The following DLC1 variants were observed in gnomAD, a reference collection of about 807,000 sequenced individuals.
DLC1 encodes DLC1 Rho GTPase activating protein, also known as rho GTPase-activating protein 7.
DLC1 carries 54 observed loss-of-function variants against 140.3 expected under a neutral mutation model. The ratio of observed to expected loss-of-function variants is 0.38; its 90% confidence interval spans 0.31 to 0.48. The LOEUF is 0.48. DLC1 is among the 20% of genes least tolerant of loss of function. The pLI is 0.96. For missense variants in DLC1, 2,536 were observed against 1,907.0 expected, an observed-to-expected ratio of 1.33 and a Z score of -6.14; for synonymous variants, 986 against 728.1, an observed-to-expected ratio of 1.35 and a Z score of -5.70.
intron 5 of DLC1, among the ~76,000 whole-genome samples, chr8:13,247,884 C>G (rs1317265082): frequency 6.6e-6 from 1 of 152,148 alleles, no homozygotes; most frequent in African/African-American, 2.4e-5. Flanking sequence ...CATAACCGCT[C>G]AAAGTTAAAA....
At chr8:13,519,344 G>A (rs1368058427), upstream of DLC1, among the ~76,000 whole-genome samples, 2 of 152,070 alleles carry the variant, frequency 1.3e-5, no homozygotes, top group East Asian at 1.9e-4. Flanking sequence ...TAGCCAGGAT[G>A]GTCTCGAGCT....
chr8:13,500,635 G>T (rs1801771260), intron 1 of DLC1, among the ~76,000 whole-genome samples: 1 of 152,204 alleles, frequency 6.6e-6, no homozygotes, highest in South Asian at 2.1e-4. Context: ...AAGCCACCAG[G>T]GAACTGTTCA....
chr8:13,375,319 G>A (rs1323693037), intron 4 of DLC1, among the ~76,000 whole-genome samples: 4 of 152,034 alleles, frequency 2.6e-5, no homozygotes, highest in South Asian at 2.1e-4. Context: ...GAGCCACCGC[G>A]CCCGGCCAAG....
intron 1 of DLC1, among the ~76,000 whole-genome samples, chr8:13,527,316 C>T (rs374480551): frequency 6.6e-6 from 1 of 152,056 alleles, no homozygotes; most frequent in Admixed American, 6.6e-5. Context: ...TTGAAAAATG[C>T]TTTTCTCAAT....
chr8:13,276,450 G>A, intron 5 of DLC1: 5 of 1,401,568 alleles, frequency 3.6e-6, no homozygotes, highest in Non-Finnish European at 4.6e-6. Context: ...CCATGCCTCG[G>A]TACTCCGCCC....
chr8:13,344,681 G>T (rs1456029242), intron 4 of DLC1, among the ~76,000 whole-genome samples: 2 of 152,154 alleles, frequency 1.3e-5, no homozygotes, highest in African/African-American at 2.4e-5. Flanking sequence ...TAGCCACGAG[G>T]TCTCTATCAC....
intron 5 of DLC1, chr8:13,133,308 C>G (rs189949976): frequency 7.1e-5 from 87 of 1,231,164 alleles, no homozygotes; most frequent in Admixed American, 1.3e-4. Flanking sequence ...CGCGCTCCGC[C>G]AGCCGGGCCC....
At chr8:13,533,143 T>C (rs1268515008) in intron 1 of DLC1, among the ~76,000 whole-genome samples, 1 of 152,062 alleles carries the variant, frequency 6.6e-6, no homozygotes, top group East Asian at 1.9e-4. Context: ...CACCATGAAG[T>C]AAAACAAACA....
intron 5 of DLC1, among the ~76,000 whole-genome samples, chr8:13,301,875 G>T (rs1832209093): frequency 6.6e-6 from 1 of 152,146 alleles, no homozygotes; most frequent in Non-Finnish European, 1.5e-5. Flanking sequence ...ATGATCTGAG[G>T]TCTGAGGTGG....
intron 5 of DLC1, among the ~76,000 whole-genome samples, chr8:13,139,143 A>G (rs1021874840): frequency 3.3e-5 from 5 of 151,750 alleles, no homozygotes; most frequent in Non-Finnish European, 5.9e-5. Flanking sequence ...TAAAAAAACA[A>G]TTAGCTGGGC....
At chr8:13,222,191 C>G (rs1485702327) in intron 5 of DLC1, among the ~76,000 whole-genome samples, 1 of 151,680 alleles carries the variant, frequency 6.6e-6, no homozygotes, top group Non-Finnish European at 1.5e-5. Context: ...TAGGGCCACT[C>G]CAAAAGCATT....
chr8:13,396,943 C>T (rs553466252), intron 3 of DLC1, among the ~76,000 whole-genome samples: 4 of 152,046 alleles, frequency 2.6e-5, no homozygotes, highest in Non-Finnish European at 5.9e-5. Flanking sequence ...GTTACCCGCC[C>T]CCCCCAACCC....
At chr8:13,536,762 T>C (rs1054705852) in intron 1 of DLC1, among the ~76,000 whole-genome samples, 1 of 152,158 alleles carries the variant, frequency 6.6e-6, no homozygotes, top group Admixed American at 6.5e-5. Flanking sequence ...TGAAGAGATA[T>C]TGCGTATCCA....
intron 4 of DLC1, among the ~76,000 whole-genome samples, chr8:13,308,382 TTTTTAAG>T (rs1832542328): frequency 6.6e-6 from 1 of 152,330 alleles, no homozygotes; most frequent in South Asian, 2.1e-4. Flanking sequence ...TTATAACTTC[TTTTTAAG>T]AGTAAAACCA....
intron 1 of DLC1, 109 bp downstream of exon 1, chr8:13,514,493 C>A (rs769425908): frequency 1.3e-5 from 5 of 397,618 alleles, no homozygotes; most frequent in South Asian, 1.3e-4. Context: ...TGGCTTTGCT[C>A]TAAAACCTAG....
chr8:13,514,788 G>A lies in DLC1; in HGVS notation c.-312C>T. The stretch of plus-strand genomic sequence containing the variant: ...AAAACACCCTCTGCAGCTGGAGGGA[G>A]CCTTAGCTAAGGCAGGATCCTGTCA... On this transcript the variant is annotated 5_prime_UTR_variant, in exon 1 of 18. Coordinates refer to ENST00000276297, the MANE Select transcript of DLC1 (RefSeq NM_182643.3). 1 of 396,540 alleles carries A rather than the reference G, an allele frequency of 2.5e-6. No individual in the cohort carries two copies. Among genetic ancestry groups the A allele is most frequent in the Non-Finnish European group, 4.4e-6 (1 of 225,026 alleles). The allele number at this position is 396,540 out of a possible 1,614,324, so 24.6% of individuals were successfully genotyped here.
chr8:13,252,927 AC>A (rs1355830595), intron 5 of DLC1, among the ~76,000 whole-genome samples: 6 of 152,216 alleles, frequency 3.9e-5, no homozygotes, highest in African/African-American at 1.4e-4. Flanking sequence ...AAGAACCCAA[AC>A]AAGAAAGCTA....
At chr8:13,438,670 G>C (rs899330161) in intron 2 of DLC1, among the ~76,000 whole-genome samples, 1 of 152,068 alleles carries the variant, frequency 6.6e-6, no homozygotes, top group Non-Finnish European at 1.5e-5. Flanking sequence ...TTCTGCCGAG[G>C]AAACGCCTCC....
At chr8:13,099,169 C>A (rs1585610015) in intron 9 of DLC1, among the ~76,000 whole-genome samples, 178 bp downstream of exon 9, 1 of 152,114 alleles carries the variant, frequency 6.6e-6, no homozygotes, top group African/African-American at 2.4e-5. Flanking sequence ...GAACTCTATA[C>A]CCATTCAATC....
Sources: allele counts gnomAD v4.1 joint callset (sites outside exome capture counted in the v4.1 genomes callset), GRCh38; gene constraint gnomAD v4.1.1; transcripts MANE v1.5; gene names NCBI Gene and HGNC (gene_info 2026-07-23, HGNC 2026-07-21).